The following TMOD3 variants were observed in gnomAD, a reference collection of about 807,000 sequenced individuals.
TMOD3 encodes the protein tropomodulin-3.
In TMOD3, 20 loss-of-function variants were observed where a neutral mutation model predicts 39.2. That is an observed-to-expected ratio of 0.51 (90% confidence interval 0.36 to 0.74). The LOEUF (loss-of-function observed/expected upper bound fraction) is 0.74. TMOD3 is among the 30% of genes least tolerant of loss of function. The pLI is 0.00. For synonymous variants in TMOD3, 143 were observed against 145.8 expected (o/e 0.98, Z 0.14); for missense variants, 381 against 412.8 (o/e 0.92, Z 0.67).
chr15:51,908,080 C>T (rs1324342771), intron 9 of TMOD3, among the ~76,000 whole-genome samples: 1 of 152,190 alleles, frequency 6.6e-6, no homozygotes, highest in African/African-American at 2.4e-5. Context: ...TAGCAAATCA[C>T]TTACCTATAA....
At position 51,890,169 on chromosome 15, in the gene TMOD3, AT is replaced by A. The variant is rs67190705; in HGVS notation, c.496+1040del. Reference sequence around the variant, plus strand: ...TTTTCAATAATAATTCTATTAGCTAATTTTTTTTTTTTTTTTGGAAACGGAG... The same window carrying A: ...TTTTCAATAATAATTCTATTAGCTAATTTTTTTTTTTTTTTGGAAACGGAG... On this transcript the variant is annotated intron_variant, in intron 5 of 9. Transcript: ENST00000308580. Among the ~76,000 whole-genome samples the A allele has an allele frequency of 4.4e-3, 622 of 140,332 alleles. 6 individuals are homozygous for A. Among genetic ancestry groups the A allele is most frequent in the East Asian group, 0.01 (51 of 4,932 alleles). 92.1% of individuals were successfully genotyped at this position (140,332 alleles called of 152,430 possible).
At chr15:51,851,455 A>T (rs1487955613) in intron 1 of TMOD3, among the ~76,000 whole-genome samples, 2 of 152,194 alleles carry the variant, frequency 1.3e-5, no homozygotes, top group Non-Finnish European at 2.9e-5. Flanking sequence ...GACTGTGAAT[A>T]TGTTTAAGGA....
chr15:51,847,382 G>T (rs1595891498), intron 1 of TMOD3, among the ~76,000 whole-genome samples: 1 of 152,298 alleles, frequency 6.6e-6, no homozygotes, highest in East Asian at 1.9e-4. Context: ...TGGCAGGAAA[G>T]ACAGGGCTAC....
At chr15:51,848,324 C>CA (rs1327152231) in intron 1 of TMOD3, among the ~76,000 whole-genome samples, 8 of 152,112 alleles carry the variant, frequency 5.3e-5, no homozygotes, top group African/African-American at 1.9e-4. Context: ...AGGAATCTGC[C>CA]ACATTGTCCC....
chr15:51,847,139 A>T (rs1293580197), intron 1 of TMOD3, among the ~76,000 whole-genome samples: 2 of 152,196 alleles, frequency 1.3e-5, no homozygotes, highest in Non-Finnish European at 2.9e-5. Flanking sequence ...GGTCTTGTTG[A>T]AAGATTGTTT....
chr15:51,887,076 G>A (rs2141699878), intron 3 of TMOD3, among the ~76,000 whole-genome samples: 1 of 152,050 alleles, frequency 6.6e-6, no homozygotes, highest in Admixed American at 6.5e-5. Context: ...AAAATTAGCT[G>A]GGTGTGGTGG....
In TMOD3 at chr15:51,889,043, T is replaced by A; in HGVS notation, c.407-13T>A. The A allele has an allele frequency of 6.5e-7, 1 of 1,535,372 alleles. No individual in the cohort carries two copies. The highest frequency in any genetic ancestry group is 8.8e-7 in the Non-Finnish European group (1 of 1,133,874). On this transcript the variant is annotated splice_polypyrimidine_tract_variant and intron_variant, in intron 4 of 9. Transcript: ENST00000308580. ...TTTAAAACAATAAAAACTTTCTTTT[T>A]CTGTATTTATAGCAATTCTTGGGAT...
rs2929424 is a variant in TMOD3, at chr15:51,915,302, A to T, written c.*6492A>T. The T allele has an allele frequency of 3.8e-4, 57 of 151,898 alleles. No homozygotes were observed. Among genetic ancestry groups the T allele is most frequent in the Non-Finnish European group, 7.2e-4 (49 of 67,964 alleles). 9.4% of individuals were successfully genotyped at this position (151,898 alleles called of 1,614,324 possible). ...TTCAGTGGTTTCAAATTTTCAGATCAATCCATTTAAGAATTGTTTTTTCAA... is the reference window on the plus strand; with the variant it reads ...TTCAGTGGTTTCAAATTTTCAGATCTATCCATTTAAGAATTGTTTTTTCAA... On this transcript the variant is annotated 3_prime_UTR_variant, in exon 10 of 10. Coordinates refer to ENST00000308580, the MANE Select transcript of TMOD3 (RefSeq NM_014547.5).
At chr15:51,899,262 A>G (rs1197679754) in intron 7 of TMOD3, 1 of 152,274 alleles carries the variant, frequency 6.6e-6, no homozygotes, top group Non-Finnish European at 1.5e-5. Context: ...TGAAAGAGTG[A>G]GAGAGACAGA....
chr15:51,832,472 C>G (rs1251955934), intron 1 of TMOD3, among the ~76,000 whole-genome samples: 1 of 151,828 alleles, frequency 6.6e-6, no homozygotes, highest in African/African-American at 2.4e-5. Context: ...TGTGACATAT[C>G]TACATAGAGT....
chr15:51,911,160 A>G lies in TMOD3; in HGVS notation c.*2350A>G, dbSNP rs1442613339. On this transcript the variant is annotated 3_prime_UTR_variant, in exon 10 of 10. Coordinates refer to ENST00000308580, the MANE Select transcript of TMOD3 (RefSeq NM_014547.5). ...CCTCGTTTGCATTGTCCTGTAAGTC[A>G]ATTAGTTGATAAATAGTTCCCCCTT... 6.6e-6 allele frequency: 1 copy of G among 152,200 alleles called. No homozygotes were observed. Among genetic ancestry groups the G allele is most frequent in the Non-Finnish European group, 1.5e-5 (1 of 68,036 alleles). The allele number at this position is 152,200 out of a possible 1,614,324, so 9.4% of individuals were successfully genotyped here.
chr15:51,836,531 C>T lies in TMOD3; in HGVS notation c.-75+6695C>T, dbSNP rs575083894. Among the ~76,000 whole-genome samples the T allele has an allele frequency of 2.0e-5, 3 of 152,144 alleles. No individual in the cohort carries two copies. The South Asian group carries it at 6.2e-4, about 32-fold the overall frequency. On this transcript the variant is annotated intron_variant, in intron 1 of 9. Transcript: ENST00000308580. The stretch of plus-strand genomic sequence containing the variant: ...CACGAGGTCAGGAGATCGAGACCAT[C>T]CTGGCCAACATGGTGAAACCCCGTC...
At chr15:51,830,635 T>C (rs1340401770) in intron 1 of TMOD3, among the ~76,000 whole-genome samples, 1 of 152,192 alleles carries the variant, frequency 6.6e-6, no homozygotes, top group Non-Finnish European at 1.5e-5. Flanking sequence ...CAGGAGGCCA[T>C]ACTTCAACAG....
At chr15:51,864,123 G>A (rs1212172198) in intron 2 of TMOD3, among the ~76,000 whole-genome samples, 1 of 151,920 alleles carries the variant, frequency 6.6e-6, no homozygotes, top group Non-Finnish European at 1.5e-5. Context: ...AAATTAGCTG[G>A]GCATGGTGGT....
At chr15:51,896,344 C>T in intron 6 of TMOD3, 75 bp from the exon 7 acceptor site, 1 of 1,059,326 alleles carries the variant, frequency 9.4e-7, no homozygotes, top group Non-Finnish European at 1.4e-6. Context: ...CAAAAAAAAC[C>T]ATATATTTGA....
At chr15:51,866,436 C>T (rs1402568016) in intron 2 of TMOD3, among the ~76,000 whole-genome samples, 1 of 151,090 alleles carries the variant, frequency 6.6e-6, no homozygotes, top group Admixed American at 6.6e-5. Context: ...CCAGCCTGAG[C>T]AGTAGAGCAA....
chr15:51,905,974 A>G (rs1022225754), intron 9 of TMOD3, among the ~76,000 whole-genome samples: 4 of 150,206 alleles, frequency 2.7e-5, no homozygotes, highest in Non-Finnish European at 5.9e-5. Context: ...AAAAAAAAAA[A>G]AAAAAAGAAA....
At chr15:51,900,121 A>T in intron 7 of TMOD3, 34 bp from the exon 8 acceptor site, 1 of 1,606,988 alleles carries the variant, frequency 6.2e-7, no homozygotes, top group African/African-American at 1.3e-5. Flanking sequence ...ACTGTATCAA[A>T]TTTTAATCTC....
At chr15:51,847,117 G>A (rs1356281829) in intron 1 of TMOD3, among the ~76,000 whole-genome samples, 1 of 152,182 alleles carries the variant, frequency 6.6e-6, no homozygotes, top group African/African-American at 2.4e-5. Context: ...GAGCCACGAA[G>A]TCTCTCAGCA....
Sources: gnomAD v4.1 joint callset for allele counts (sites outside exome capture counted in the v4.1 genomes callset) on GRCh38, gnomAD v4.1.1 for gene constraint, MANE v1.5 for transcripts, NCBI Gene and HGNC (gene_info 2026-07-23, HGNC 2026-07-21) for gene names.